The following TMEM184C variants were observed in gnomAD, a reference collection of about 807,000 sequenced individuals.
TMEM184C encodes transmembrane protein 184C.
Under a neutral mutation model 54.5 loss-of-function variants are expected in TMEM184C, and 25 were observed. The ratio of observed to expected loss-of-function variants is 0.46; its 90% CI spans 0.33 to 0.64. TMEM184C has a LOEUF of 0.64. Among genes scored for constraint, TMEM184C ranks in the 30% least tolerant of loss-of-function variants. TMEM184C has a pLI of 0.02. For synonymous variants in TMEM184C, 148 were observed against 181.5 expected, an observed-to-expected ratio of 0.82 and a Z score of 1.49; for missense variants, 335 against 520.3, an observed-to-expected ratio of 0.64 and a Z score of 3.46.
At chr4:147,621,746 G>T (rs1313321716) in intron 1 of TMEM184C, among the ~76,000 whole-genome samples, 1 of 152,074 alleles carries the variant, frequency 6.6e-6, no homozygotes, top group Non-Finnish European at 1.5e-5. Flanking sequence ...CTGTAAAAAT[G>T]ATATTATGTG....
Position 147,634,481 on chromosome 4 carries a change from C to G in TMEM184C, c.*47C>G. 1 of 1,578,716 alleles carries G rather than the reference C, an allele frequency of 6.3e-7. No homozygotes were observed. The highest frequency in any genetic ancestry group is 8.6e-7 in the Non-Finnish European group (1 of 1,161,338). On this transcript the variant is annotated 3_prime_UTR_variant, in exon 10 of 10. Transcript: ENST00000296582. Reference sequence around the variant, plus strand: ...TGCAACTACTACATTATATCATTACCTGGTATCCCATGGATTTTGTGCTTG... The same window carrying G: ...TGCAACTACTACATTATATCATTACGTGGTATCCCATGGATTTTGTGCTTG...
In TMEM184C at chr4:147,635,685, C is replaced by T. The variant is rs2126556987; in HGVS notation, c.*1251C>T. 1 of 152,166 alleles carries T rather than the reference C, an allele frequency of 6.6e-6. No individual in the cohort carries two copies. Among genetic ancestry groups the T allele is most frequent in the Admixed American group, 6.5e-5 (1 of 15,282 alleles). The allele number at this position is 152,166 out of a possible 1,614,324, so 9.4% of individuals were successfully genotyped here. A position where few individuals can be genotyped will look rare whatever the true frequency, so the allele number is the denominator to read the frequency against. On this transcript the variant is annotated 3_prime_UTR_variant, in exon 10 of 10. Coordinates refer to ENST00000296582, the MANE Select transcript of TMEM184C (RefSeq NM_018241.3). ...TCATACAAAGTCTTTATTCCATCCA[C>T]TATTATAAACATTTCTATTAAAACT...
In TMEM184C at chr4:147,632,966, A is replaced by G. The variant is rs768224281; in HGVS notation, c.843A>G (p.Glu281=). The G allele has an allele frequency of 1.9e-6, 3 of 1,614,084 alleles. No homozygotes were observed. The highest frequency in any genetic ancestry group is 2.5e-6 in the Non-Finnish European group (3 of 1,179,978). Residue 281 remains glutamate (E), a synonymous_variant, in exon 8 of 10, where the codon GAA becomes GAG. Transcript: ENST00000296582. ...VGVISEKHTW[E]WQTVEAVATG... ...TTATTTCTGAAAAGCATACGTGGGA[A>G]TGGCAAACTGTAGAAGCTGTGGCCA...
At chr4:147,631,615 C>CA (rs1732919275) in intron 7 of TMEM184C, 110 bp downstream of exon 7, 4 of 746,594 alleles carry the variant, frequency 5.4e-6, no homozygotes, top group Non-Finnish European at 8.7e-6. Flanking sequence ...TAAAATGTCT[C>CA]TACTTCTCTT....
rs989052524 is a variant in TMEM184C at position 147,635,744 on chromosome 4, C to T, written c.*1310C>T. 1 of 151,932 alleles carries T rather than the reference C, an allele frequency of 6.6e-6. No homozygotes were observed. Among genetic ancestry groups the T allele is most frequent in the Admixed American group, 6.6e-5 (1 of 15,256 alleles). 9.4% of individuals were successfully genotyped at this position (151,932 alleles called of 1,614,324 possible). A position where few individuals can be genotyped will look rare whatever the true frequency, so the allele number is the denominator to read the frequency against. ...GCTCTATGTAAAAACCCCAAAGATA[C>T]ACACACAAAAAAAATCTGTTTGTTA... On this transcript the variant is annotated 3_prime_UTR_variant, in exon 10 of 10. Coordinates refer to ENST00000296582, the MANE Select transcript of TMEM184C (RefSeq NM_018241.3).
Position 147,619,206 on chromosome 4 carries a change from A to G in TMEM184C, c.123+1127A>G, listed in dbSNP as rs911415840. Among the ~76,000 whole-genome samples, 4 of 142,214 alleles carry G rather than the reference A, an allele frequency of 2.8e-5. No individual in the cohort carries two copies. The East Asian group carries it at 6.4e-4, about 23-fold the overall frequency. 93.3% of individuals were successfully genotyped at this position (142,214 alleles called of 152,430 possible). A position where few individuals can be genotyped will look rare whatever the true frequency, so the allele number is the denominator to read the frequency against. ...TTGTTGTTGTTGTTTATTTTTATTT[A>G]TTTATTTTTGAGAAAGAGTCTAGCT... is the stretch of plus-strand genomic sequence containing the variant. On this transcript the variant is annotated intron_variant, in intron 1 of 9. Coordinates refer to ENST00000296582, the MANE Select transcript of TMEM184C (RefSeq NM_018241.3).
intron 8 of TMEM184C, 66 bp from the exon 9 acceptor site, chr4:147,633,699 A>G: frequency 3.8e-6 from 5 of 1,325,722 alleles, no homozygotes; most frequent in Non-Finnish European, 4.0e-6. Flanking sequence ...AAGTAGAGAA[A>G]GATAGCACTC....
rs1165883773 is a variant in TMEM184C, at chr4:147,634,021, A to T, written c.1051+85A>T. On this transcript the variant is annotated intron_variant, in intron 9 of 9. Coordinates refer to ENST00000296582, the MANE Select transcript of TMEM184C (RefSeq NM_018241.3). ...CTAGGGCAATTTATTATCTATTTAGAGATGAAAAAAGACTTTAAAGCAGTA... is the reference window on the plus strand; with the variant it reads ...CTAGGGCAATTTATTATCTATTTAGTGATGAAAAAAGACTTTAAAGCAGTA... The T allele has an allele frequency of 4.6e-6, 7 of 1,528,738 alleles. No homozygotes were observed. The African/African-American group carries it at 9.7e-5, about 21-fold the overall frequency. The allele number at this position is 1,528,738 out of a possible 1,614,324, so 94.7% of individuals were successfully genotyped here. A position where few individuals can be genotyped will look rare whatever the true frequency, so the allele number is the denominator to read the frequency against.
At chr4:147,626,689 T>C (rs2126550894) in intron 4 of TMEM184C, among the ~76,000 whole-genome samples, 1 of 152,308 alleles carries the variant, frequency 6.6e-6, no homozygotes, top group African/African-American at 2.4e-5. Flanking sequence ...CGTGCTAGTA[T>C]AAAGAAATAC....
intron 1 of TMEM184C, 51 bp from the exon 2 acceptor site, chr4:147,623,783 C>G: frequency 6.3e-7 from 1 of 1,589,090 alleles, no homozygotes; most frequent in Non-Finnish European, 8.6e-7. Flanking sequence ...TGGCCAAGCT[C>G]TTTTGTTTTA....
Position 147,634,522 on chromosome 4 carries a change from G to A in TMEM184C, c.*88G>A. 7.0e-7 allele frequency: 1 copy of A among 1,437,346 alleles called. No individual in the cohort carries two copies. The highest frequency in any genetic ancestry group is 9.3e-7 in the Non-Finnish European group (1 of 1,070,896). The allele number at this position is 1,437,346 out of a possible 1,614,324, so 89.0% of individuals were successfully genotyped here. On this transcript the variant is annotated 3_prime_UTR_variant, in exon 10 of 10. Coordinates refer to ENST00000296582, the MANE Select transcript of TMEM184C (RefSeq NM_018241.3). Reference sequence around the variant, plus strand: ...TTTGTGCTTGGGACAGACCATAAATGATGGAAAATGTCAACACAAAAATAG... The same window carrying A: ...TTTGTGCTTGGGACAGACCATAAATAATGGAAAATGTCAACACAAAAATAG...
chr4:147,634,544 A>G lies in TMEM184C; in HGVS notation c.*110A>G. On this transcript the variant is annotated 3_prime_UTR_variant, in exon 10 of 10. Transcript: ENST00000296582. ...AATGATGGAAAATGTCAACACAAAAATAGCTGAAAGCCAGGTACAACTACT... is the reference window on the plus strand; with the variant it reads ...AATGATGGAAAATGTCAACACAAAAGTAGCTGAAAGCCAGGTACAACTACT... The G allele has an allele frequency of 7.7e-7, 1 of 1,306,398 alleles. No individual in the cohort carries two copies. Among genetic ancestry groups the G allele is most frequent in the Middle Eastern group, 2.4e-4 (1 of 4,182 alleles). The allele number at this position is 1,306,398 out of a possible 1,614,324, so 80.9% of individuals were successfully genotyped here. A position where few individuals can be genotyped will look rare whatever the true frequency, so the allele number is the denominator to read the frequency against.
intron 1 of TMEM184C, among the ~76,000 whole-genome samples, chr4:147,620,187 C>T (rs1361517558): frequency 6.6e-6 from 1 of 152,150 alleles, no homozygotes; most frequent in African/African-American, 2.4e-5. Flanking sequence ...TTCCCCCCAC[C>T]CCAACTCTTC....
intron 1 of TMEM184C, among the ~76,000 whole-genome samples, chr4:147,621,633 T>G (rs1050984976): frequency 6.6e-6 from 1 of 152,160 alleles, no homozygotes; most frequent in African/African-American, 2.4e-5. Context: ...GCATGTAACT[T>G]TTATATAGCT....
intron 1 of TMEM184C, among the ~76,000 whole-genome samples, chr4:147,621,987 TTC>T (rs1193143144): frequency 9.7e-5 from 3 of 30,830 alleles, no homozygotes; most frequent in Non-Finnish European, 2.9e-4. Context: ...CTTTTTTTCT[TTC>T]TTTTTTTTTT....
chr4:147,629,440 C>G (rs1359849717), intron 5 of TMEM184C, among the ~76,000 whole-genome samples, 159 bp from the exon 6 acceptor site: 1 of 151,964 alleles, frequency 6.6e-6, no homozygotes, highest in Non-Finnish European at 1.5e-5. Flanking sequence ...GTCAATGGAT[C>G]TCTCAAATAA....
At chr4:147,626,680 G>A (rs1053807496) in intron 4 of TMEM184C, among the ~76,000 whole-genome samples, 67 of 152,190 alleles carry the variant, frequency 4.4e-4, no homozygotes, top group African/African-American at 1.4e-3. Context: ...CACCAAGTAC[G>A]TGCTAGTATA....
At chr4:147,627,458 T>C (rs1318571858) in intron 4 of TMEM184C, among the ~76,000 whole-genome samples, 1 of 151,860 alleles carries the variant, frequency 6.6e-6, no homozygotes, top group Non-Finnish European at 1.5e-5. Context: ...ATTTTGTTAT[T>C]TTTTTTGTAG....
At chr4:147,630,127 C>T (rs1732889165) in intron 6 of TMEM184C, among the ~76,000 whole-genome samples, 1 of 151,644 alleles carries the variant, frequency 6.6e-6, no homozygotes, top group Admixed American at 6.6e-5. Flanking sequence ...TCTCTGTTAT[C>T]ATATATTTGA....
Sources: gnomAD v4.1 joint callset for allele counts (sites outside exome capture counted in the v4.1 genomes callset) on GRCh38, gnomAD v4.1.1 for gene constraint, MANE v1.5 for transcripts, NCBI Gene and HGNC (gene_info 2026-07-23, HGNC 2026-07-21) for gene names.